The following SLC12A8 variants were observed in gnomAD, a reference collection of about 807,000 sequenced individuals.
The protein encoded by SLC12A8 is cation-chloride cotransporter 9.
SLC12A8 carries 69 observed loss-of-function variants against 75.6 expected under a neutral mutation model. The observed-to-expected ratio is 0.91, with a 90% CI of 0.75 to 1.11. SLC12A8 has a LOEUF of 1.11. Ranked by LOEUF, SLC12A8 falls within the 50% of genes most tolerant of loss-of-function variation. SLC12A8 has a pLI of 0.00. For missense variants in SLC12A8, 877 were observed against 896.7 expected, an observed-to-expected ratio of 0.98 and a Z score of 0.28; for synonymous variants, 365 against 372.8, an observed-to-expected ratio of 0.98 and a Z score of 0.24.
At chr3:125,192,910 A>G (rs1934934337) in intron 2 of SLC12A8, among the ~76,000 whole-genome samples, 1 of 152,160 alleles carries the variant, frequency 6.6e-6, no homozygotes, top group African/African-American at 2.4e-5. Flanking sequence ...AGAGAGAGAC[A>G]CTACATAAGC....
chr3:125,104,994 G>A (rs1052440958), intron 10 of SLC12A8, among the ~76,000 whole-genome samples: 3 of 152,082 alleles, frequency 2.0e-5, no homozygotes, highest in Admixed American at 6.5e-5. Flanking sequence ...TTGTGTATGA[G>A]CTAGATGAAG....
At chr3:125,121,347 A>C (rs976385902) in intron 6 of SLC12A8, among the ~76,000 whole-genome samples, 10 of 152,230 alleles carry the variant, frequency 6.6e-5, no homozygotes, top group African/African-American at 2.4e-4. Flanking sequence ...ATACAAACAA[A>C]TATATGAAAG....
In SLC12A8 at chr3:125,083,841, T is replaced by A; in HGVS notation, c.*49A>T. The A allele has an allele frequency of 6.4e-7, 1 of 1,568,768 alleles. No homozygotes were observed. The highest frequency in any genetic ancestry group is 8.7e-7 in the Non-Finnish European group (1 of 1,153,514). On this transcript the variant is annotated 3_prime_UTR_variant, in exon 14 of 14. Transcript: ENST00000469902. Reference sequence around the variant, plus strand: ...GCTCCACGAAGGTCCTGAGCTTGGGTCCACTGTACATGGGACAGCTCCAAA... The same window carrying A: ...GCTCCACGAAGGTCCTGAGCTTGGGACCACTGTACATGGGACAGCTCCAAA...
At chr3:125,112,404 T>G (rs1476697556) in intron 8 of SLC12A8, among the ~76,000 whole-genome samples, 1 of 152,192 alleles carries the variant, frequency 6.6e-6, no homozygotes, top group Non-Finnish European at 1.5e-5. Context: ...GATGGCATTT[T>G]GTTACTTTCC....
At chr3:125,146,632 T>C (rs1266328507) in intron 5 of SLC12A8, among the ~76,000 whole-genome samples, 1 of 152,132 alleles carries the variant, frequency 6.6e-6, no homozygotes, top group African/African-American at 2.4e-5. Flanking sequence ...TGGCCAAGGA[T>C]GGTGGAAGGT....
At chr3:125,190,646 A>G (rs1934893501) in intron 2 of SLC12A8, 125 bp from the exon 3 acceptor site, 3 of 1,127,436 alleles carry the variant, frequency 2.7e-6, no homozygotes, top group Non-Finnish European at 3.9e-6. Context: ...TTATTGTGCC[A>G]GGGCAAGTGT....
At chr3:125,211,540 G>T (rs549416740) in intron 1 of SLC12A8, 146 bp from the exon 2 acceptor site, 5 of 628,898 alleles carry the variant, frequency 8.0e-6, no homozygotes, top group Non-Finnish European at 1.4e-5. Flanking sequence ...CTGGAAACTT[G>T]GCCGGGTTAC....
At chr3:125,154,161 C>T (rs1217121963) in intron 5 of SLC12A8, among the ~76,000 whole-genome samples, 1 of 152,230 alleles carries the variant, frequency 6.6e-6, no homozygotes, top group Non-Finnish European at 1.5e-5. Flanking sequence ...GGCTTCAAGT[C>T]TCCCAGTGCA....
intron 2 of SLC12A8, among the ~76,000 whole-genome samples, chr3:125,208,815 G>A (rs544177758): frequency 3.4e-5 from 5 of 148,928 alleles, no homozygotes; most frequent in African/African-American, 1.2e-4. Context: ...GAGAGAGAGA[G>A]AGAGAGAGAG....
intron 2 of SLC12A8, chr3:125,192,459 T>C (rs1407131288): frequency 7.9e-5 from 12 of 152,340 alleles, no homozygotes; most frequent in Non-Finnish European, 5.9e-5. Flanking sequence ...CACTCTGGAC[T>C]TTGCATAACT....
In SLC12A8 at chr3:125,082,690, G is replaced by T. The variant is rs538023311; in HGVS notation, c.*1200C>A. ...AAAAGACCCTCACTAAACAATAATAGTTTACAAATGCATGTACCTTTTGAT... is the reference window on the plus strand; with the variant it reads ...AAAAGACCCTCACTAAACAATAATATTTTACAAATGCATGTACCTTTTGAT... On this transcript the variant is annotated 3_prime_UTR_variant, in exon 14 of 14. Transcript: ENST00000469902. 6.6e-6 allele frequency: 1 copy of T among 152,186 alleles called. No individual in the cohort carries two copies. The highest frequency in any genetic ancestry group is 2.4e-5 in the African/African-American group (1 of 41,434). The allele number at this position is 152,186 out of a possible 1,614,324, so 9.4% of individuals were successfully genotyped here.
At chr3:125,128,415 C>T (rs1254168196) in intron 6 of SLC12A8, among the ~76,000 whole-genome samples, 1 of 147,718 alleles carries the variant, frequency 6.8e-6, no homozygotes, top group African/African-American at 2.5e-5. Flanking sequence ...CTCCTGACCT[C>T]GTGATCCGCC....
chr3:125,091,835 A>T (rs1287794831), intron 11 of SLC12A8, among the ~76,000 whole-genome samples: 1 of 152,256 alleles, frequency 6.6e-6, no homozygotes, highest in Non-Finnish European at 1.5e-5. Context: ...AATTAGGATG[A>T]AAGTATGATA....
intron 5 of SLC12A8, among the ~76,000 whole-genome samples, chr3:125,163,668 C>T (rs1421548080): frequency 6.6e-6 from 1 of 152,102 alleles, no homozygotes; most frequent in African/African-American, 2.4e-5. Context: ...TTCATTGTGG[C>T]CACAAATTCC....
chr3:125,117,849 C>G (rs1939350791), intron 8 of SLC12A8, among the ~76,000 whole-genome samples: 1 of 152,122 alleles, frequency 6.6e-6, no homozygotes, highest in East Asian at 1.9e-4. Context: ...TGACCTCCAG[C>G]CAATGCCAGG....
rs1472034387 is a variant in SLC12A8 at position 125,120,546 on chromosome 3, G to A, written c.824+53C>T. 4.6e-6 allele frequency: 6 copies of A among 1,316,898 alleles called. No homozygotes were observed. The Admixed American group carries it at 1.1e-4, about 23-fold the overall frequency. The allele number at this position is 1,316,898 out of a possible 1,614,324, so 81.6% of individuals were successfully genotyped here. On this transcript the variant is annotated intron_variant, in intron 7 of 13. Transcript: ENST00000469902. ...AAAGGGGCAATCCCTCTTCTGCCTG[G>A]GGTTTTCTCTCCCACTCTCTAGCTC...
At position 125,177,782 on chromosome 3, in the gene SLC12A8, G is replaced by A; in HGVS notation, c.583C>T (p.Leu195=). The change falls in exon 5 of 14, where the codon CTG becomes TTG. Residue 195 remains leucine (L), a synonymous_variant. Transcript: ENST00000469902. ...GTGAAAGAACCCACCACAAAGTCCA[G>A]TGTGGACACGGCCAGCAGGAACAGC... The part of the protein sequence containing the change: ...LLLFLLAVST[L]DFVVGSFTHL... 1.2e-6 allele frequency: 2 copies of A among 1,614,222 alleles called. No individual in the cohort carries two copies. Among genetic ancestry groups the A allele is most frequent in the Non-Finnish European group, 1.7e-6 (2 of 1,180,042 alleles).
At chr3:125,100,410 T>C (rs1423311154) in intron 10 of SLC12A8, among the ~76,000 whole-genome samples, 1 of 151,726 alleles carries the variant, frequency 6.6e-6, no homozygotes, top group Non-Finnish European at 1.5e-5. Flanking sequence ...ATATATTTAT[T>C]ATTATTATTT....
chr3:125,197,112 A>G (rs1935023034), intron 2 of SLC12A8, among the ~76,000 whole-genome samples: 1 of 152,188 alleles, frequency 6.6e-6, no homozygotes. Context: ...TGTACCAGAA[A>G]GTAGGGAAGT....
Sources: allele counts gnomAD v4.1 joint callset (sites outside exome capture counted in the v4.1 genomes callset), GRCh38; gene constraint gnomAD v4.1.1; transcripts MANE v1.5; gene names NCBI Gene and HGNC (gene_info 2026-07-23, HGNC 2026-07-21).